The following JARID2 variants were observed in gnomAD, a reference collection of about 807,000 sequenced individuals.
JARID2 encodes the protein jumonji and AT-rich interaction domain containing 2.
A neutral mutation model predicts 125.6 loss-of-function variants in JARID2; 21 were observed. The ratio of observed to expected loss-of-function variants is 0.17; its 90% confidence interval spans 0.12 to 0.24. The LOEUF is 0.24. JARID2 is among the 10% of genes least tolerant of loss of function. The pLI is 1.00. For missense variants in JARID2, 1,303 were observed against 1,639.6 expected, an observed-to-expected ratio of 0.79 and a Z score of 3.55; for synonymous variants, 736 against 661.6, an observed-to-expected ratio of 1.11 and a Z score of -1.73.
intron 5 of JARID2, among the ~76,000 whole-genome samples, chr6:15,470,816 G>A (rs1488050805): frequency 6.6e-6 from 1 of 152,230 alleles, no homozygotes; most frequent in African/African-American, 2.4e-5. Context: ...ATCGCAAACA[G>A]AGCGATGCGG....
chr6:15,291,134 G>A (rs992575779), intron 1 of JARID2, among the ~76,000 whole-genome samples: 5 of 152,148 alleles, frequency 3.3e-5, no homozygotes, highest in African/African-American at 4.8e-5. Context: ...TACTCAGGAC[G>A]TTGCGGTGGG....
chr6:15,368,143 T>G (rs931780845), intron 1 of JARID2, among the ~76,000 whole-genome samples: 2 of 152,196 alleles, frequency 1.3e-5, no homozygotes, highest in African/African-American at 4.8e-5. Context: ...CTTTTTGTCT[T>G]GTAAAGCAGT....
At chr6:15,416,670 A>T (rs1766236026) in intron 3 of JARID2, among the ~76,000 whole-genome samples, 1 of 135,538 alleles carries the variant, frequency 7.4e-6, no homozygotes, top group East Asian at 2.1e-4. Flanking sequence ...CATCAGTGGG[A>T]GACCGTGGAA....
intron 6 of JARID2, among the ~76,000 whole-genome samples, chr6:15,489,777 G>A (rs1770058510): frequency 6.6e-6 from 1 of 152,212 alleles, no homozygotes; most frequent in African/African-American, 2.4e-5. Flanking sequence ...CCGGGGCTCA[G>A]GGTAGAGTCC....
chr6:15,317,810 G>C (rs996435018), intron 1 of JARID2, among the ~76,000 whole-genome samples: 1 of 152,214 alleles, frequency 6.6e-6, no homozygotes, highest in African/African-American at 2.4e-5. Context: ...GTTGCACACA[G>C]CTGGCGCGTG....
intron 3 of JARID2, among the ~76,000 whole-genome samples, chr6:15,437,081 A>G (rs959493404): frequency 6.6e-6 from 1 of 151,900 alleles, no homozygotes; most frequent in African/African-American, 2.4e-5. Flanking sequence ...CATAGATTCT[A>G]CCTGGAAGCA....
chr6:15,344,736 TCTTA>T (rs1763191212), intron 1 of JARID2, among the ~76,000 whole-genome samples: 1 of 152,202 alleles, frequency 6.6e-6, no homozygotes, highest in Non-Finnish European at 1.5e-5. Context: ...CCAGGTTGTC[TCTTA>T]CTTGTATGAA....
At chr6:15,469,861 C>T (rs1280007754) in intron 5 of JARID2, among the ~76,000 whole-genome samples, 3 of 151,962 alleles carry the variant, frequency 2.0e-5, no homozygotes, top group Non-Finnish European at 4.4e-5. Context: ...TGGAATTGCA[C>T]TGAGTGGGGG....
In JARID2 at chr6:15,520,271, C is replaced by T. The variant is rs375076392; in HGVS notation, c.*20C>T. The stretch of plus-strand genomic sequence containing the variant: ...TCATGAAGATGCCAACGCCCGTGGT[C>T]GATTTATATATATTTTTTTGTAATT... On this transcript the variant is annotated 3_prime_UTR_variant, in exon 18 of 18. Transcript: ENST00000341776. 1.8e-4 allele frequency: 276 copies of T among 1,550,926 alleles called. 2 individuals are homozygous for T. Among genetic ancestry groups the T allele is most frequent in the South Asian group, 1.5e-3 (122 of 80,876 alleles).
At chr6:15,446,065 T>G (rs757347307) in intron 3 of JARID2, among the ~76,000 whole-genome samples, 1 of 152,174 alleles carries the variant, frequency 6.6e-6, no homozygotes, top group African/African-American at 2.4e-5. Flanking sequence ...CCAATCTCCC[T>G]TTTCCTCTGA....
intron 2 of JARID2, among the ~76,000 whole-genome samples, chr6:15,378,198 A>ATTT (rs66993753): frequency 2.1e-3 from 299 of 141,012 alleles, no homozygotes; most frequent in South Asian, 4.1e-3. Context: ...TCAATTTTTA[A>ATTT]TTTTTTTTTT....
At chr6:15,366,732 T>G (rs1322663990) in intron 1 of JARID2, among the ~76,000 whole-genome samples, 3 of 152,134 alleles carry the variant, frequency 2.0e-5, no homozygotes, top group Admixed American at 2.0e-4. Flanking sequence ...TGATGTCCTG[T>G]GCCCCTGCCC....
In JARID2 at chr6:15,426,349, T is replaced by C. The variant is rs376462420; in HGVS notation, c.323+15984T>C. ...TGAGAGAGAAGGCAGGATTGAATTA[T>C]AAACTTTTCTTTACCAAGATGGTGA... is the stretch of plus-strand genomic sequence containing the variant. On this transcript the variant is annotated intron_variant, in intron 3 of 17. Transcript: ENST00000341776. Among the ~76,000 whole-genome samples the C allele has an allele frequency of 7.3e-4, 111 of 152,310 alleles. 2 individuals carry two copies. In the South Asian group the frequency reaches 0.022, roughly 30 times the overall value.
chr6:15,289,486 G>A (rs1761125614), intron 1 of JARID2, among the ~76,000 whole-genome samples: 1 of 152,048 alleles, frequency 6.6e-6, no homozygotes, highest in Admixed American at 6.5e-5. Context: ...TCCCGCTTCG[G>A]CCTCTTAAAG....
chr6:15,490,617 T>C (rs1405268421), intron 6 of JARID2, among the ~76,000 whole-genome samples: 2 of 152,110 alleles, frequency 1.3e-5, no homozygotes, highest in Admixed American at 6.5e-5. Flanking sequence ...CTGTATAACA[T>C]TGCATTGTCA....
intron 14 of JARID2, 57 bp downstream of exon 14, chr6:15,512,447 C>G (rs1246165005): frequency 3.9e-5 from 59 of 1,511,064 alleles, no homozygotes; most frequent in Non-Finnish European, 5.1e-5. Flanking sequence ...GAGTGCCGTG[C>G]GTGAGCGCAC....
At chr6:15,294,194 T>G (rs1385707523) in intron 1 of JARID2, among the ~76,000 whole-genome samples, 1 of 152,092 alleles carries the variant, frequency 6.6e-6, no homozygotes, top group Non-Finnish European at 1.5e-5. Flanking sequence ...GGAGTGCCCT[T>G]TTTTTCTTTT....
At chr6:15,248,121 C>G (rs1234915283) in intron 1 of JARID2, 6 of 982,662 alleles carry the variant, frequency 6.1e-6, no homozygotes, top group African/African-American at 3.5e-5. Context: ...GGGCGTCCGG[C>G]TGCAAGCCCG....
rs985734904 is a variant in JARID2, at chr6:15,496,621, C to G, written c.1396C>G (p.Pro466Ala). 1 of 1,607,180 alleles carries G rather than the reference C, an allele frequency of 6.2e-7. No individual in the cohort carries two copies. The change falls in exon 7 of 18, where the codon CCC becomes GCC. Residue 466 changes from proline to alanine, a missense_variant. Transcript: ENST00000341776. ...CAAGAAGATGAAAGGGGCGGCTGGCCCCGCCGAAGGCCCTGGCAAGAAGGC... is the reference window on the plus strand; with the variant it reads ...CAAGAAGATGAAAGGGGCGGCTGGCGCCGCCGAAGGCCCTGGCAAGAAGGC... Reference protein sequence around the residue: ...PPKKMKGAAGPAEGPGKKAPA... With the variant: ...PPKKMKGAAGAAEGPGKKAPA...
Sources: allele counts gnomAD v4.1 joint callset (sites outside exome capture counted in the v4.1 genomes callset), GRCh38; gene constraint gnomAD v4.1.1; transcripts MANE v1.5; gene names NCBI Gene and HGNC (gene_info 2026-07-23, HGNC 2026-07-21).